The following DOCK2 variants were observed in gnomAD, a reference collection of about 807,000 sequenced individuals.
DOCK2 encodes dedicator of cytokinesis protein 2.
A neutral mutation model predicts 248.9 loss-of-function variants in DOCK2; 87 were observed. That is an observed-to-expected ratio of 0.35 (90% confidence interval 0.29 to 0.42). DOCK2 has a LOEUF of 0.42. Among genes scored for constraint, DOCK2 ranks in the 10% least tolerant of loss-of-function variants. The pLI, the probability that DOCK2 is intolerant of heterozygous loss-of-function variation, is 1.00. For synonymous variants in DOCK2, 805 were observed against 821.6 expected, an observed-to-expected ratio of 0.98 and a Z score of 0.35; for missense variants, 1,747 against 2,300.2, an observed-to-expected ratio of 0.76 and a Z score of 4.92.
chr5:169,969,451 C>G (rs916714238), intron 27 of DOCK2, among the ~76,000 whole-genome samples: 1 of 151,936 alleles, frequency 6.6e-6, no homozygotes, highest in Non-Finnish European at 1.5e-5. Flanking sequence ...TCTCAAAAAA[C>G]AAAGAAAAAA....
chr5:169,707,387 A>G (rs1274671593), intron 14 of DOCK2, among the ~76,000 whole-genome samples: 3 of 152,172 alleles, frequency 2.0e-5, no homozygotes, highest in African/African-American at 7.2e-5. Context: ...CAAGATTCTC[A>G]ACTGTCATTG....
Position 170,050,373 on chromosome 5 carries a change from G to T in DOCK2, c.4189G>T (p.Asp1397Tyr). The change falls in exon 41 of 52, where the codon GAT becomes TAT. Residue 1397 changes from aspartate (D) to tyrosine (Y), a missense_variant. Physicochemically the swap from Asp to Tyr is radical, Grantham distance 160. Transcript: ENST00000520908. ...KMNTTSAPGD[D>Y]VKNAPGQYIQ... is the part of the protein sequence containing the mutation. The stretch of plus-strand genomic sequence containing the variant: ...GAACACCACCTCTGCCCCGGGAGAT[G>T]ATGTGAAGAATGCCCCAGGCCAGTG... 6.2e-7 allele frequency: 1 copy of T among 1,614,128 alleles called. No individual in the cohort carries two copies. Among genetic ancestry groups the T allele is most frequent in the South Asian group, 1.1e-5 (1 of 91,076 alleles).
At chr5:169,952,252 T>A (rs1396648694) in intron 27 of DOCK2, among the ~76,000 whole-genome samples, 3 of 152,212 alleles carry the variant, frequency 2.0e-5, no homozygotes, top group African/African-American at 7.2e-5. Flanking sequence ...ACCTGTTTTT[T>A]ATTCTATCAA....
Position 169,940,979 on chromosome 5 carries a change from A to G in DOCK2, c.2800-42089A>G, listed in dbSNP as rs376982181. On this transcript the variant is annotated intron_variant, in intron 27 of 51. Transcript: ENST00000520908. ...TGCCATGGCTGAGAGACCCTGTTCCATACTAATTCTTAGATAAACAGAGGT... is the reference window on the plus strand; with the variant it reads ...TGCCATGGCTGAGAGACCCTGTTCCGTACTAATTCTTAGATAAACAGAGGT... Among the ~76,000 whole-genome samples, 13 of 152,334 alleles carry G rather than the reference A, an allele frequency of 8.5e-5. No homozygotes were observed. In the East Asian group the frequency reaches 9.6e-4, roughly 11 times the overall value.
chr5:169,795,681 A>T (rs1766604692), intron 25 of DOCK2, among the ~76,000 whole-genome samples: 2 of 152,216 alleles, frequency 1.3e-5, no homozygotes, highest in Admixed American at 6.5e-5. Flanking sequence ...TCAGACTAGA[A>T]TCATGTCTAT....
At chr5:169,792,009 G>A (rs1766366891) in intron 25 of DOCK2, among the ~76,000 whole-genome samples, 1 of 152,170 alleles carries the variant, frequency 6.6e-6, no homozygotes, top group African/African-American at 2.4e-5. Flanking sequence ...AAGTGTAGGA[G>A]TTCCTGGTTA....
intron 29 of DOCK2, among the ~76,000 whole-genome samples, chr5:169,990,544 G>T (rs541162950): frequency 1.3e-5 from 2 of 152,190 alleles, no homozygotes; most frequent in Non-Finnish European, 2.9e-5. Flanking sequence ...GGGGTGAACC[G>T]TGTCCTGTCA....
chr5:169,820,145 A>C (rs1375368037), intron 26 of DOCK2, among the ~76,000 whole-genome samples: 1 of 152,254 alleles, frequency 6.6e-6, no homozygotes, highest in Admixed American at 6.5e-5. Flanking sequence ...GGTGGAGCCC[A>C]ACGCAGCTCA....
At chr5:169,941,914 G>T (rs259911) in intron 27 of DOCK2, among the ~76,000 whole-genome samples, 8,758 of 152,246 alleles carry the variant, frequency 0.058, 578 homozygotes, top group African/African-American at 0.16. Flanking sequence ...ACCTATAAAT[G>T]TCAAGTCCCA....
At chr5:169,805,351 A>G (rs577003795) in intron 26 of DOCK2, among the ~76,000 whole-genome samples, 1 of 152,204 alleles carries the variant, frequency 6.6e-6, no homozygotes, top group Admixed American at 6.5e-5. Flanking sequence ...TCCATGAGCT[A>G]TGATCTTGCC....
intron 27 of DOCK2, among the ~76,000 whole-genome samples, chr5:169,919,009 A>G (rs1034620410): frequency 1.3e-5 from 2 of 152,350 alleles, no homozygotes; most frequent in East Asian, 3.9e-4. Flanking sequence ...AACAAGGGTT[A>G]TGTTGGATAG....
Position 169,867,625 on chromosome 5 carries a change from C to CATCT in DOCK2, c.2799+26795_2799+26798dup, listed in dbSNP as rs35247242. 5.8e-4 allele frequency among the ~76,000 whole-genome samples: 87 copies of CATCT among 150,934 alleles called. 1 individual carries two copies. Among genetic ancestry groups the CATCT allele is most frequent in the African/African-American group, 1.6e-3 (65 of 41,036 alleles). On this transcript the variant is annotated intron_variant, in intron 27 of 51. Coordinates refer to ENST00000520908, the MANE Select transcript of DOCK2 (RefSeq NM_004946.3). ...CCATCTATCATGTATCATTATCTAT[C>CATCT]ATCTATCTATCTATCTATCTATCTA...
rs115346897 is a variant in DOCK2 at position 169,683,264 on chromosome 5, C to A, written c.607-932C>A. 6.8e-3 allele frequency among the ~76,000 whole-genome samples: 1,034 copies of A among 152,302 alleles called. 10 individuals carry two copies. Among genetic ancestry groups the A allele is most frequent in the African/African-American group, 0.024 (994 of 41,548 alleles). On this transcript the variant is annotated intron_variant, in intron 7 of 51. Transcript: ENST00000520908. Reference sequence around the variant, plus strand: ...TTTTTTTGAGACAGGGTCTCTCACTCTATCACCCAGGCTGGAGTATAATGG... The same window carrying A: ...TTTTTTTGAGACAGGGTCTCTCACTATATCACCCAGGCTGGAGTATAATGG...
At chr5:169,812,934 G>A (rs1007475678) in intron 26 of DOCK2, among the ~76,000 whole-genome samples, 3 of 152,256 alleles carry the variant, frequency 2.0e-5, no homozygotes, top group African/African-American at 4.8e-5. Flanking sequence ...TGGAGCCCTC[G>A]CAGTCTCCAC....
intron 27 of DOCK2, among the ~76,000 whole-genome samples, chr5:169,938,824 A>G (rs1776104481): frequency 1.3e-5 from 2 of 152,210 alleles, no homozygotes; most frequent in South Asian, 4.1e-4. Context: ...CTTAGCTTAA[A>G]ACACAAATAT....
chr5:169,901,284 T>A (rs1203031990), intron 27 of DOCK2, among the ~76,000 whole-genome samples: 1 of 152,210 alleles, frequency 6.6e-6, no homozygotes, highest in Non-Finnish European at 1.5e-5. Flanking sequence ...AAAGGCCAGC[T>A]TGGATGGAAT....
At chr5:169,638,492 C>T (rs1171016643) in intron 1 of DOCK2, among the ~76,000 whole-genome samples, 1 of 152,180 alleles carries the variant, frequency 6.6e-6, no homozygotes, top group South Asian at 2.1e-4. Flanking sequence ...GAGTTCAAAT[C>T]AGGGTCTGTT....
At chr5:169,872,238 A>G (rs1772023898) in intron 27 of DOCK2, among the ~76,000 whole-genome samples, 1 of 152,114 alleles carries the variant, frequency 6.6e-6, no homozygotes, top group Non-Finnish European at 1.5e-5. Flanking sequence ...TTCTCTTTTA[A>G]AGAATTAGCT....
intron 9 of DOCK2, among the ~76,000 whole-genome samples, chr5:169,692,086 C>G (rs1760337649): frequency 6.6e-6 from 1 of 152,070 alleles, no homozygotes; most frequent in Non-Finnish European, 1.5e-5. Context: ...GATCTCCTGA[C>G]CTCGTGATCC....
Sources: gnomAD v4.1 joint callset for allele counts (sites outside exome capture counted in the v4.1 genomes callset) on GRCh38, gnomAD v4.1.1 for gene constraint, MANE v1.5 for transcripts, NCBI Gene and HGNC (gene_info 2026-07-23, HGNC 2026-07-21) for gene names.